The following PYGM variants were observed in gnomAD, a reference collection of about 807,000 sequenced individuals.
The protein encoded by PYGM is glycogen phosphorylase, muscle form.
PYGM carries 81 observed loss-of-function variants against 99.3 expected under a neutral mutation model. The observed-to-expected ratio is 0.82, with a 90% confidence interval of 0.68 to 0.98. The LOEUF (loss-of-function observed/expected upper bound fraction) is 0.98, where lower values mean the gene tolerates loss of function less well. PYGM is among the 50% of genes least tolerant of loss of function. The pLI, the probability that PYGM is intolerant of heterozygous loss-of-function variation, is 0.00. For missense variants in PYGM, 1,030 were observed against 1,158.1 expected, an observed-to-expected ratio of 0.89 and a Z score of 1.61; for synonymous variants, 436 against 451.5, an observed-to-expected ratio of 0.97 and a Z score of 0.44.
intron 5 of PYGM, among the ~76,000 whole-genome samples, chr11:64,756,479 C>T (rs2058394995): frequency 6.6e-6 from 1 of 152,192 alleles, no homozygotes; most frequent in East Asian, 1.9e-4. Context: ...GAGATGGGAC[C>T]TCACTCTGTT....
At chr11:64,757,535 G>C (rs1357328726) in intron 5 of PYGM, among the ~76,000 whole-genome samples, 1 of 152,156 alleles carries the variant, frequency 6.6e-6, no homozygotes, top group Non-Finnish European at 1.5e-5. Flanking sequence ...GCCAGGTCAT[G>C]GGGAGACACT....
chr11:64,757,685 A>G, intron 5 of PYGM, 94 bp downstream of exon 5: 1 of 1,554,150 alleles, frequency 6.4e-7, no homozygotes, highest in Non-Finnish European at 8.8e-7. Flanking sequence ...CAGCATCCTC[A>G]GGTGTAAAAT....
At chr11:64,749,652 AT>A (rs1436877380) in intron 17 of PYGM, among the ~76,000 whole-genome samples, 2 of 151,810 alleles carry the variant, frequency 1.3e-5, no homozygotes, top group African/African-American at 4.8e-5. Flanking sequence ...AAAAAAAAAA[AT>A]ACATTAAAAT....
At chr11:64,750,680 C>T in intron 16 of PYGM, 97 bp from the exon 17 acceptor site, 2 of 1,182,650 alleles carry the variant, frequency 1.7e-6, no homozygotes, top group East Asian at 2.6e-5. Flanking sequence ...TAGCTGGACT[C>T]AGAGTCGCCC....
At position 64,755,542 on chromosome 11, in the gene PYGM, G is replaced by A; in HGVS notation, c.677C>T (p.Pro226Leu). The A allele has an allele frequency of 1.2e-6, 2 of 1,614,034 alleles. No homozygotes were observed. The highest frequency in any genetic ancestry group is 1.7e-6 in the Non-Finnish European group (2 of 1,179,954). Residue 226 changes from proline (P) to leucine (L), a missense_variant, in exon 6 of 20, where the codon CCC (proline) becomes CTC (leucine). Transcript: ENST00000164139. The surrounding 1 kb of genome is among the most constrained non-coding windows in gnomAD (Gnocchi z 4.1). Reference sequence around the variant, plus strand: ...ATAGCCAGGCACGGGCGTATCGTAGGGCATGGCCAGTACCACCTGCGGGGG... The same window carrying A: ...ATAGCCAGGCACGGGCGTATCGTAGAGCATGGCCAGTACCACCTGCGGGGG... The part of the protein sequence containing the change: ...WVDTQVVLAM[P>L]YDTPVPGYRN...
chr11:64,751,915 G>A lies in PYGM; in HGVS notation c.1768+9C>T, dbSNP rs1415602372. ...CACTGAGAGACAGGGTAGAGTGGCT[G>A]CCACTCACGGTTGTACAGGGTGATG... On this transcript the variant is annotated intron_variant, in intron 14 of 19. Coordinates refer to ENST00000164139, the MANE Select transcript of PYGM (RefSeq NM_005609.4). The A allele has an allele frequency of 5.0e-6, 8 of 1,614,020 alleles. No homozygotes were observed. Among genetic ancestry groups the A allele is most frequent in the Non-Finnish European group, 6.8e-6 (8 of 1,180,008 alleles).
In PYGM at chr11:64,754,364, T is replaced by A. The variant is rs772097289; in HGVS notation, c.1000-19A>T. The A allele has an allele frequency of 6.4e-7, 1 of 1,573,446 alleles. No individual in the cohort carries two copies. The highest frequency in any genetic ancestry group is 1.1e-5 in the South Asian group (1 of 90,216). ...TGGCCACCTGGGGTAGGGGGAGGGG[T>A]CAGTCTGGGCTCCAAACCACATTCC... On this transcript the variant is annotated intron_variant, in intron 8 of 19. Coordinates refer to ENST00000164139, the MANE Select transcript of PYGM (RefSeq NM_005609.4). This position sits in a 1 kb window ranked among gnomAD's most constrained non-coding sequence, Gnocchi z 5.5.
In PYGM at chr11:64,758,480, C is replaced by T; in HGVS notation, c.381G>A (p.Glu127=). 1 of 1,614,130 alleles carries T rather than the reference C, an allele frequency of 6.2e-7. No individual in the cohort carries two copies. Among genetic ancestry groups the T allele is most frequent in the South Asian group, 1.1e-5 (1 of 91,082 alleles). The change falls in exon 3 of 20, where the codon GAG becomes GAA. Residue 127 remains glutamate, a synonymous_variant. Coordinates refer to ENST00000164139, the MANE Select transcript of PYGM (RefSeq NM_005609.4). ...CCCCGTTGCCCAGCCCCGCATCCTC[C>T]TCAATTTCCTCCAGCTCCTCCATGT... is the stretch of plus-strand genomic sequence containing the variant. The part of the protein sequence containing the change: ...GLDMEELEEI[E]EDAGLGNGGL...
chr11:64,750,940 G>A (rs1462610880), intron 16 of PYGM, among the ~76,000 whole-genome samples: 1 of 152,184 alleles, frequency 6.6e-6, no homozygotes, highest in African/African-American at 2.4e-5. Context: ...TGCCCAGGCT[G>A]AAGTGCAATG....
intron 16 of PYGM, 100 bp downstream of exon 16, chr11:64,751,225 C>T: frequency 6.5e-7 from 1 of 1,541,584 alleles, no homozygotes; most frequent in Non-Finnish European, 8.9e-7. Flanking sequence ...TCTCCAGATT[C>T]TTCTTTCAAG....
At chr11:64,749,953 C>T (rs972320819) in intron 17 of PYGM, among the ~76,000 whole-genome samples, 16 of 151,920 alleles carry the variant, frequency 1.1e-4, no homozygotes, top group South Asian at 2.1e-4. Context: ...CCAACACGCC[C>T]GGCTAATTTT....
chr11:64,755,135 G>T lies in PYGM; in HGVS notation c.855+138C>A. ...TGTCCTTGCACTCAAAAGACTTGAG[G>T]TGGGGGCACAGGATGCACAAGGCCA... On this transcript the variant is annotated intron_variant, in intron 7 of 19. Coordinates refer to ENST00000164139, the MANE Select transcript of PYGM (RefSeq NM_005609.4). This position sits in a 1 kb window ranked among gnomAD's most constrained non-coding sequence, Gnocchi z 4.1. The T allele has an allele frequency of 9.2e-7, 1 of 1,085,880 alleles. No homozygotes were observed. The highest frequency in any genetic ancestry group is 1.4e-6 in the Non-Finnish European group (1 of 725,774). 67.3% of individuals were successfully genotyped at this position (1,085,880 alleles called of 1,614,324 possible). A position where few individuals can be genotyped will look rare whatever the true frequency, so the allele number is the denominator to read the frequency against.
At position 64,753,922 on chromosome 11, in the gene PYGM, C is replaced by T. The variant is rs548646628; in HGVS notation, c.1196G>A (p.Arg399Gln). The T allele has an allele frequency of 3.2e-5, 51 of 1,593,062 alleles. No individual in the cohort carries two copies. Among genetic ancestry groups the T allele is most frequent in the Admixed American group, 1.2e-4 (7 of 57,210 alleles). The change falls in exon 10 of 20, where the codon CGG becomes CAG. Residue 399 changes from arginine (R) to glutamine (Q), a missense_variant. By Grantham distance (43) the Arg-to-Gln change is conservative (BLOSUM62 1). Coordinates refer to ENST00000164139, the MANE Select transcript of PYGM (RefSeq NM_005609.4). Reference sequence around the variant, plus strand: ...GATCTCGTAGATGATCTGGAGGTGCCGCGGCAGCAGCGTCTCCAAGAGGTG... The same window carrying T: ...GATCTCGTAGATGATCTGGAGGTGCTGCGGCAGCAGCGTCTCCAAGAGGTG... Reference protein sequence around the residue: ...PVHLLETLLPRHLQIIYEINQ... With the variant: ...PVHLLETLLPQHLQIIYEINQ...
intron 17 of PYGM, among the ~76,000 whole-genome samples, chr11:64,749,152 T>C (rs566879128): frequency 1.1e-3 from 154 of 145,418 alleles, no homozygotes; most frequent in Non-Finnish European, 2.0e-3. Flanking sequence ...ATAGAGACCA[T>C]CCTGGCCAAA....
Position 64,759,968 on chromosome 11 carries a change from A to C in PYGM, c.-70T>G. 6.3e-7 allele frequency: 1 copy of C among 1,592,928 alleles called. No homozygotes were observed. Reference sequence around the variant, plus strand: ...GGCGGCCTCAGCACTGCCTCCAGCCAAGGAGTGGAGCTCCCCAGCCTCAAG... The same window carrying C: ...GGCGGCCTCAGCACTGCCTCCAGCCCAGGAGTGGAGCTCCCCAGCCTCAAG... On this transcript the variant is annotated 5_prime_UTR_variant, in exon 1 of 20. Coordinates refer to ENST00000164139, the MANE Select transcript of PYGM (RefSeq NM_005609.4).
Position 64,746,657 on chromosome 11 carries a change from G to A in PYGM, c.*2C>T, listed in dbSNP as rs1052688003. ...GGCTGGTTTGGGGTCTGGTCTGGAG[G>A]CTCAGATGGCCTCATCCGGGGCTGG... On this transcript the variant is annotated 3_prime_UTR_variant, in exon 20 of 20. Coordinates refer to ENST00000164139, the MANE Select transcript of PYGM (RefSeq NM_005609.4). 29 of 1,614,018 alleles carry A rather than the reference G, an allele frequency of 1.8e-5. No individual in the cohort carries two copies. The highest frequency in any genetic ancestry group is 3.3e-5 in the Admixed American group (2 of 59,998).
chr11:64,751,276 A>C, intron 16 of PYGM, 49 bp downstream of exon 16: 1 of 1,611,886 alleles, frequency 6.2e-7, no homozygotes, highest in African/African-American at 1.3e-5. Context: ...CCTCTTCCTG[A>C]GACTGAACTA....
Position 64,751,449 on chromosome 11 carries a change from G to A in PYGM, c.1845C>T (p.His615=), listed in dbSNP as rs552502008. The stretch of plus-strand genomic sequence containing the variant: ...CGAGTCTGATGATCATCTTGGCCAT[G>A]TGGTACCCAGGTGCAGCCTGAGGGG... ...MIGGKAAPGY[H]MAKMIIRLVT... is the part of the protein sequence containing the mutation. The change falls in exon 16 of 20, where the codon CAC becomes CAT. Residue 615 remains histidine (H), a synonymous_variant. Coordinates refer to ENST00000164139, the MANE Select transcript of PYGM (RefSeq NM_005609.4). 9.3e-6 allele frequency: 15 copies of A among 1,614,154 alleles called. No individual in the cohort carries two copies. The highest frequency in any genetic ancestry group is 2.2e-5 in the South Asian group (2 of 91,084).
rs763783985 is a variant in PYGM, at chr11:64,750,371, C to T, written c.2177+5G>A. On this transcript the variant is annotated splice_donor_5th_base_variant and intron_variant, in intron 17 of 19. Transcript: ENST00000164139. ...TCTTTTGCCCGTGAACCCTGACCCC[C>T]ATACCCTCTTTGGTCAAGCTTATCC... 3 of 1,614,108 alleles carry T rather than the reference C, an allele frequency of 1.9e-6. No homozygotes were observed. The highest frequency in any genetic ancestry group is 2.2e-5 in the East Asian group (1 of 44,878).
Sources: allele counts gnomAD v4.1 joint callset (sites outside exome capture counted in the v4.1 genomes callset), GRCh38; gene constraint gnomAD v4.1.1; non-coding constraint Gnocchi (gnomAD v3.1); transcripts MANE v1.5; gene names NCBI Gene and HGNC (gene_info 2026-07-23, HGNC 2026-07-21).